Variants in KLHL1 observed in about 807,000 individuals in gnomAD.
KLHL1 encodes kelch-like protein 1.
Under a neutral mutation model 77.7 loss-of-function variants are expected in KLHL1, and 47 were observed. That is an observed-to-expected ratio of 0.60 (90% CI 0.48 to 0.77). The LOEUF (loss-of-function observed/expected upper bound fraction) is 0.77. Ranked by LOEUF, KLHL1 falls within the 30% of genes least tolerant of loss-of-function variation. The pLI is 0.00. For missense variants in KLHL1, 925 were observed against 910.8 expected (o/e 1.02, Z -0.20); for synonymous variants, 360 against 325.2 (o/e 1.11, Z -1.15).
intron 1 of KLHL1, among the ~76,000 whole-genome samples, chr13:70,058,094 A>G (rs1232796515): frequency 6.6e-6 from 1 of 151,134 alleles, no homozygotes; most frequent in Non-Finnish European, 1.5e-5. Context: ...AATATGCCTC[A>G]ACACAGAGCC....
At chr13:69,974,298 A>C (rs374196785) in intron 2 of KLHL1, among the ~76,000 whole-genome samples, 2 of 151,254 alleles carry the variant, frequency 1.3e-5, no homozygotes, top group African/African-American at 4.8e-5. Flanking sequence ...AGAATAATAC[A>C]TATAAAGGTA....
rs539262065 is a variant in KLHL1 at position 69,958,498 on chromosome 13, C to G, written c.817+2810G>C. ...GCTTATCTCAAACATTCATTCTAAGCCTTCTTTATCCATGTACTTTGTCCT... is the reference window on the plus strand; with the variant it reads ...GCTTATCTCAAACATTCATTCTAAGGCTTCTTTATCCATGTACTTTGTCCT... On this transcript the variant is annotated intron_variant, in intron 3 of 10. Transcript: ENST00000377844. 2.0e-5 allele frequency among the ~76,000 whole-genome samples: 3 copies of G among 151,664 alleles called. No individual in the cohort carries two copies. The East Asian group carries it at 5.8e-4, about 30-fold the overall frequency.
intron 8 of KLHL1, among the ~76,000 whole-genome samples, chr13:69,723,010 C>T (rs974286238): frequency 6.6e-6 from 1 of 151,978 alleles, no homozygotes; most frequent in Non-Finnish European, 1.5e-5. Flanking sequence ...CAATAAACTC[C>T]TAATATTTTC....
At chr13:70,089,115 T>C (rs1459166195) in intron 1 of KLHL1, among the ~76,000 whole-genome samples, 2 of 152,176 alleles carry the variant, frequency 1.3e-5, no homozygotes, top group Non-Finnish European at 2.9e-5. Context: ...TTAATCAACA[T>C]AAGAATGGGT....
chr13:69,760,913 T>C (rs1030968669), intron 7 of KLHL1, among the ~76,000 whole-genome samples: 1 of 152,150 alleles, frequency 6.6e-6, no homozygotes, highest in Non-Finnish European at 1.5e-5. Flanking sequence ...GATTGCTGCT[T>C]CTGGGGCCTA....
At chr13:69,790,205 A>C (rs1230117352) in intron 7 of KLHL1, among the ~76,000 whole-genome samples, 6 of 152,212 alleles carry the variant, frequency 3.9e-5, no homozygotes, top group Non-Finnish European at 8.8e-5. Flanking sequence ...CATGAATAAC[A>C]ACCTTCAAAT....
chr13:70,048,720 G>A (rs77562618), intron 1 of KLHL1, among the ~76,000 whole-genome samples: 9,285 of 152,298 alleles, frequency 0.061, 400 homozygotes, highest in Non-Finnish European at 0.091. Context: ...AGGAGGAAGA[G>A]TTCAGGCAGT....
At chr13:69,884,763 G>A (rs1881133147) in intron 4 of KLHL1, among the ~76,000 whole-genome samples, 1 of 151,934 alleles carries the variant, frequency 6.6e-6, no homozygotes, top group South Asian at 2.1e-4. Flanking sequence ...CTTTTATCAT[G>A]GATGTTGTAA....
chr13:69,967,896 A>C (rs1884264734), intron 2 of KLHL1, among the ~76,000 whole-genome samples: 1 of 152,028 alleles, frequency 6.6e-6, no homozygotes, highest in Non-Finnish European at 1.5e-5. Context: ...AAAAAAAAAA[A>C]AAAAGAAATA....
intron 5 of KLHL1, among the ~76,000 whole-genome samples, chr13:69,878,736 T>TGA (rs927201840): frequency 1.5e-5 from 2 of 130,310 alleles, no homozygotes; most frequent in East Asian, 4.5e-4. Context: ...AGAGAGAGAG[T>TGA]GAGAGAGAGA....
chr13:69,945,547 C>G (rs969261595), intron 3 of KLHL1, among the ~76,000 whole-genome samples: 1 of 151,270 alleles, frequency 6.6e-6, no homozygotes, highest in Non-Finnish European at 1.5e-5. Flanking sequence ...CAAATCATAT[C>G]TGATAAAATA....
In KLHL1 at chr13:69,977,697, G is replaced by A. The variant is rs146707405; in HGVS notation, c.498-1895C>T. Among the ~76,000 whole-genome samples the A allele has an allele frequency of 5.3e-5, 8 of 152,070 alleles. No individual in the cohort carries two copies. The East Asian group carries it at 1.2e-3, about 22-fold the overall frequency. On this transcript the variant is annotated intron_variant, in intron 1 of 10. Transcript: ENST00000377844. ...ATAGAAACACCTAATACACTGATTT[G>A]GAAAACATTATATTTTATTGAACCT...
chr13:69,781,533 C>G (rs1361793267), intron 7 of KLHL1, among the ~76,000 whole-genome samples: 1 of 152,102 alleles, frequency 6.6e-6, no homozygotes, highest in Non-Finnish European at 1.5e-5. Context: ...ATCTGATTCT[C>G]ATTCCTTTTA....
At chr13:70,007,439 C>A (rs996428990) in intron 1 of KLHL1, among the ~76,000 whole-genome samples, 1 of 148,140 alleles carries the variant, frequency 6.8e-6, no homozygotes. Context: ...AGCAATATTT[C>A]ATCTCAAAAA....
intron 1 of KLHL1, among the ~76,000 whole-genome samples, chr13:69,996,910 A>ATTTTTTTTTTTTTTTTTTTATTTTTTT (rs1885167961): frequency 1.4e-5 from 1 of 71,240 alleles, no homozygotes; most frequent in African/African-American, 5.6e-5. Context: ...TATTCATTAA[A>ATTTTTTTTTTTTTTTTTTTATTTTTTT]TTTTTTTTTT....
intron 10 of KLHL1, among the ~76,000 whole-genome samples, chr13:69,705,356 C>T (rs1875576573): frequency 6.6e-6 from 1 of 151,702 alleles, no homozygotes; most frequent in Non-Finnish European, 1.5e-5. Context: ...AAGCACAAAA[C>T]TGTTAATCGA....
intron 4 of KLHL1, among the ~76,000 whole-genome samples, chr13:69,919,160 T>C (rs895925655): frequency 1.3e-5 from 2 of 152,106 alleles, no homozygotes; most frequent in Non-Finnish European, 2.9e-5. Context: ...CTCTTTAATA[T>C]TATACTTAAT....
chr13:69,702,247 T>C (rs1240408795), intron 10 of KLHL1, among the ~76,000 whole-genome samples: 2 of 151,744 alleles, frequency 1.3e-5, no homozygotes, highest in African/African-American at 4.8e-5. Flanking sequence ...CAATATTTTG[T>C]CATAAATAGG....
intron 1 of KLHL1, among the ~76,000 whole-genome samples, chr13:70,045,686 G>A (rs1886477872): frequency 6.6e-6 from 1 of 152,056 alleles, no homozygotes; most frequent in African/African-American, 2.4e-5. Flanking sequence ...AAACACATAT[G>A]GAGTTTTAAA....
Sources: allele counts gnomAD v4.1 joint callset (sites outside exome capture counted in the v4.1 genomes callset), GRCh38; gene constraint gnomAD v4.1.1; transcripts MANE v1.5; gene names NCBI Gene and HGNC (gene_info 2026-07-23, HGNC 2026-07-21).